NMS: variants seen among roughly 807,000 people sequenced by gnomAD.
NMS encodes neuromedin-S.
In NMS, 30 loss-of-function variants were observed where a neutral mutation model predicts 32.2. The observed-to-expected ratio is 0.93, with a 90% confidence interval of 0.70 to 1.26. The LOEUF (loss-of-function observed/expected upper bound fraction) is 1.26. Among genes scored for constraint, NMS ranks in the 50% most tolerant of loss-of-function variants. The pLI is 0.00. For synonymous variants in NMS, 76 were observed against 58.5 expected (o/e 1.30, Z -1.37); for missense variants, 190 against 186.3 (o/e 1.02, Z -0.12).
chr2:100,480,057 C>T (rs1284823471), intron 6 of NMS, among the ~76,000 whole-genome samples: 2 of 152,186 alleles, frequency 1.3e-5, no homozygotes, highest in Non-Finnish European at 2.9e-5. Context: ...AACTGGTTGG[C>T]CATCCTGGGC....
In NMS at chr2:100,479,338, G is replaced by C. The variant is rs536067658; in HGVS notation, c.262-15G>C. On this transcript the variant is annotated splice_polypyrimidine_tract_variant and intron_variant, in intron 5 of 9. Coordinates refer to ENST00000376865, the MANE Select transcript of NMS (RefSeq NM_001011717.1). ...TGTCCCCCTGTCTGACCCTCTCCGC[G>C]CCTGTCTGTTGCAGTTTCCTCCAGT... The C allele has an allele frequency of 1.3e-5, 21 of 1,600,024 alleles. No individual in the cohort carries two copies. Among genetic ancestry groups the C allele is most frequent in the Non-Finnish European group, 1.8e-5 (21 of 1,172,252 alleles).
chr2:100,470,627 G>C, intron 1 of NMS, 63 bp downstream of exon 1: 1 of 1,306,182 alleles, frequency 7.7e-7, no homozygotes, highest in Middle Eastern at 1.8e-4. Flanking sequence ...GACAGACCTT[G>C]ATCCCCCAGG....
rs111859254 is a variant in NMS at position 100,482,640 on chromosome 2, C to A, written c.449+329C>A. 7.1e-3 allele frequency among the ~76,000 whole-genome samples: 1,078 copies of A among 152,266 alleles called. 5 individuals carry two copies. Among genetic ancestry groups the A allele is most frequent in the Non-Finnish European group, 0.01 (696 of 68,020 alleles). On this transcript the variant is annotated intron_variant, in intron 9 of 9. Transcript: ENST00000376865. The stretch of plus-strand genomic sequence containing the variant: ...CAGCTGGGCCCTCTGTGACTTCTCA[C>A]CTGGCCCCCTTGATAAGGAAACACC...
chr2:100,476,862 A>C (rs1199143086), intron 3 of NMS, among the ~76,000 whole-genome samples: 2 of 152,186 alleles, frequency 1.3e-5, no homozygotes, highest in African/African-American at 4.8e-5. Context: ...ACCAATATGA[A>C]CTATAAAAAC....
Position 100,472,783 on chromosome 2 carries a change from T to G in NMS, c.77-12T>G. On this transcript the variant is annotated splice_polypyrimidine_tract_variant and intron_variant, in intron 1 of 9. Coordinates refer to ENST00000376865, the MANE Select transcript of NMS (RefSeq NM_001011717.1). ...TTTCTCTAATTAATAATTTTATGAT[T>G]TCTCACAATAGGATTTCCTCAACCT... is the stretch of plus-strand genomic sequence containing the variant. 3 of 1,583,454 alleles carry G rather than the reference T, an allele frequency of 1.9e-6. No homozygotes were observed. Among genetic ancestry groups the G allele is most frequent in the Middle Eastern group, 1.7e-4 (1 of 5,986 alleles).
In NMS at chr2:100,482,324, A is replaced by G. The variant is rs1558670467; in HGVS notation, c.449+13A>G. The G allele has an allele frequency of 1.3e-5, 21 of 1,613,550 alleles. No individual in the cohort carries two copies. The highest frequency in any genetic ancestry group is 1.6e-5 in the Non-Finnish European group (19 of 1,179,514). On this transcript the variant is annotated intron_variant, in intron 9 of 9. Transcript: ENST00000376865. Reference sequence around the variant, plus strand: ...AAGATGAGGCCCAGTAGGTAGTCCAAGATCAGCTTCATCACCCTTTTTCTC... The same window carrying G: ...AAGATGAGGCCCAGTAGGTAGTCCAGGATCAGCTTCATCACCCTTTTTCTC...
intron 3 of NMS, among the ~76,000 whole-genome samples, chr2:100,474,136 G>A (rs1342591379): frequency 6.6e-6 from 1 of 152,178 alleles, no homozygotes; most frequent in East Asian, 1.9e-4. Context: ...CCACACTCCA[G>A]CCTGGGTGAC....
intron 7 of NMS, among the ~76,000 whole-genome samples, chr2:100,480,774 C>G (rs751033104): frequency 1.3e-5 from 2 of 152,154 alleles, no homozygotes; most frequent in African/African-American, 4.8e-5. Flanking sequence ...AGAGATGAGT[C>G]CCCTGGAGCC....
At chr2:100,482,969 T>C (rs1677248964) in intron 9 of NMS, among the ~76,000 whole-genome samples, 1 of 152,152 alleles carries the variant, frequency 6.6e-6, no homozygotes, top group African/African-American at 2.4e-5. Context: ...GTCCAAGGCG[T>C]CTAAGAAAGC....
At chr2:100,478,149 A>G (rs1292684448) in intron 5 of NMS, among the ~76,000 whole-genome samples, 1 of 152,066 alleles carries the variant, frequency 6.6e-6, no homozygotes, top group African/African-American at 2.4e-5. Context: ...TTTAGTAGAC[A>G]TGGGGTTTCA....
intron 9 of NMS, 23 bp downstream of exon 9, chr2:100,482,334 C>T (rs1677235589): frequency 6.2e-7 from 1 of 1,611,890 alleles, no homozygotes; most frequent in Non-Finnish European, 8.5e-7. Flanking sequence ...AGATCAGCTT[C>T]ATCACCCTTT....
At position 100,481,120 on chromosome 2, in the gene NMS, T is replaced by A; in HGVS notation, c.373-6T>A. ...GCATAATGGCTTGTGTTTCTATATG[T>A]TGCAGGATCACACTGCGACCTGGGG... On this transcript the variant is annotated splice_polypyrimidine_tract_variant and splice_region_variant and intron_variant, in intron 7 of 9. Transcript: ENST00000376865. 6.2e-7 allele frequency: 1 copy of A among 1,614,070 alleles called. No individual in the cohort carries two copies. The highest frequency in any genetic ancestry group is 1.1e-5 in the South Asian group (1 of 91,088).
rs538715742 is a variant in NMS, at chr2:100,472,706, C to T, written c.77-89C>T. On this transcript the variant is annotated intron_variant, in intron 1 of 9. Transcript: ENST00000376865. ...GTTCTTTGGTGGTTTATTATTTTAACAGAATGTCTGTTTTTCATGATAAAG... is the reference window on the plus strand; with the variant it reads ...GTTCTTTGGTGGTTTATTATTTTAATAGAATGTCTGTTTTTCATGATAAAG... 14 of 800,634 alleles carry T rather than the reference C, an allele frequency of 1.7e-5. No individual in the cohort carries two copies. In the Admixed American group the frequency reaches 2.2e-4, roughly 12 times the overall value. 49.6% of individuals were successfully genotyped at this position (800,634 alleles called of 1,614,324 possible).
Position 100,483,252 on chromosome 2 carries a change from G to A in NMS, c.450G>A (p.Gln150=). Residue 150 remains glutamine (Q), a splice_region_variant and synonymous_variant, in exon 10 of 10, where the codon CAG becomes CAA. Coordinates refer to ENST00000376865, the MANE Select transcript of NMS (RefSeq NM_001011717.1). The part of the protein sequence containing the change: ...RNGRNIEDEA[Q]IQW ...GTGCATTTTTCTTTTCTTTTTTTAG[G>A]ATTCAGTGGTGAAAGAAAGCTGGAT... The A allele has an allele frequency of 6.2e-7, 1 of 1,611,914 alleles. No individual in the cohort carries two copies. Among genetic ancestry groups the A allele is most frequent in the Non-Finnish European group, 8.5e-7 (1 of 1,178,758 alleles).
At chr2:100,482,849 C>T (rs1677245635) in intron 9 of NMS, among the ~76,000 whole-genome samples, 1 of 152,178 alleles carries the variant, frequency 6.6e-6, no homozygotes, top group Non-Finnish European at 1.5e-5. Context: ...AGTGAATGCT[C>T]AAGGGCAGCT....
chr2:100,483,227 G>A, intron 9 of NMS, 25 bp from the exon 10 acceptor site: 1 of 1,608,118 alleles, frequency 6.2e-7, no homozygotes, highest in Non-Finnish European at 8.5e-7. Context: ...GAACTGAGCA[G>A]TGCATTTTTC....
rs1677170950 is a variant in NMS, at chr2:100,479,301, C to A, written c.262-52C>A. ...CGCATAGCCCTGGGCTCTCAAAATA[C>A]CCCTCTGTGGATGTCCCCCTGTCTG... On this transcript the variant is annotated intron_variant, in intron 5 of 9. Transcript: ENST00000376865. 1.9e-5 allele frequency: 26 copies of A among 1,360,374 alleles called. No individual in the cohort carries two copies. In the South Asian group the frequency reaches 3.3e-4, roughly 17 times the overall value. The allele number at this position is 1,360,374 out of a possible 1,614,324, so 84.3% of individuals were successfully genotyped here. A position where few individuals can be genotyped will look rare whatever the true frequency, so the allele number is the denominator to read the frequency against.
intron 3 of NMS, among the ~76,000 whole-genome samples, chr2:100,476,561 T>A (rs1031283032): frequency 6.6e-6 from 1 of 152,180 alleles, no homozygotes; most frequent in Non-Finnish European, 1.5e-5. Context: ...TCTTTAAGCA[T>A]GAGTGAGATG....
rs1314610980 is a variant in NMS, at chr2:100,480,978, A to G, written c.373-148A>G. 2.5e-5 allele frequency: 20 copies of G among 798,384 alleles called. 1 individual carries two copies. Among genetic ancestry groups the G allele is most frequent in the South Asian group, 2.5e-4 (16 of 64,990 alleles). 49.5% of individuals were successfully genotyped at this position (798,384 alleles called of 1,614,324 possible). On this transcript the variant is annotated intron_variant, in intron 7 of 9. Transcript: ENST00000376865. Reference sequence around the variant, plus strand: ...AGATTCAGTGGGTCTGGATTGGGGCAAAGAGTTTGTATTTCTTACAAGTTC... The same window carrying G: ...AGATTCAGTGGGTCTGGATTGGGGCGAAGAGTTTGTATTTCTTACAAGTTC...
Sources: gnomAD v4.1 joint callset for allele counts (sites outside exome capture counted in the v4.1 genomes callset) on GRCh38, gnomAD v4.1.1 for gene constraint, MANE v1.5 for transcripts, NCBI Gene and HGNC (gene_info 2026-07-23, HGNC 2026-07-21) for gene names.